Variants in MTOR observed in about 807,000 individuals in gnomAD.
MTOR encodes serine/threonine-protein kinase mTOR.
Under a neutral mutation model 319.8 loss-of-function variants are expected in MTOR, and 70 were observed. The observed-to-expected ratio is 0.22, with a 90% confidence interval of 0.18 to 0.27. The LOEUF (loss-of-function observed/expected upper bound fraction) is 0.27, where lower values mean the gene tolerates loss of function less well. MTOR is among the 10% of genes least tolerant of loss of function. The probability of loss-of-function intolerance (pLI) is 1.00; values close to 1 mark genes in which losing one functional copy is unlikely to be tolerated. For missense variants in MTOR, 1,890 were observed against 3,274.4 expected (o/e 0.58, Z 10.32); for synonymous variants, 1,183 against 1,211.4 (o/e 0.98, Z 0.49).
At chr1:11,170,441 C>A (rs558824887) in intron 28 of MTOR, among the ~76,000 whole-genome samples, 1 of 152,050 alleles carries the variant, frequency 6.6e-6, no homozygotes, top group South Asian at 2.1e-4. Flanking sequence ...AGTGGCTGGG[C>A]ACAGTGGTTC....
chr1:11,174,944 G>A (rs1483557551), intron 28 of MTOR, among the ~76,000 whole-genome samples: 2 of 152,168 alleles, frequency 1.3e-5, no homozygotes, highest in African/African-American at 4.8e-5. Context: ...ACACAAACAA[G>A]TTTAAAGAAA....
intron 29 of MTOR, among the ~76,000 whole-genome samples, chr1:11,163,240 C>A (rs572862004): frequency 2.0e-5 from 3 of 152,176 alleles, no homozygotes; most frequent in Non-Finnish European, 4.4e-5. Context: ...AGCTAACTAT[C>A]CTAAATATAT....
intron 28 of MTOR, among the ~76,000 whole-genome samples, chr1:11,186,136 G>C (rs1557817374): frequency 6.6e-6 from 1 of 150,766 alleles, no homozygotes; most frequent in Non-Finnish European, 1.5e-5. Flanking sequence ...ATAGAGTATG[G>C]CAGGCTGTGG....
rs552923285 is a variant in MTOR, at chr1:11,259,591, A to T, written c.-14-168T>A. Among the ~76,000 whole-genome samples the T allele has an allele frequency of 5.9e-5, 9 of 152,350 alleles. No homozygotes were observed. The South Asian group carries it at 1.9e-3, about 32-fold the overall frequency. ...AACATTTAGAAAGCCTAGATTCATT[A>T]AACAATGACTGATGTTTAAAAGAGG... On this transcript the variant is annotated intron_variant, in intron 1 of 57. Transcript: ENST00000361445.
Position 11,150,189 on chromosome 1 carries a change from G to C in MTOR, c.4507C>G (p.Leu1503Val). 6.2e-7 allele frequency: 1 copy of C among 1,614,040 alleles called. No individual in the cohort carries two copies. Among genetic ancestry groups the C allele is most frequent in the Non-Finnish European group, 8.5e-7 (1 of 1,179,994 alleles). ...TTGGCTTGGGTCTCATCATTAACCA[G>C]GGTCCACTTTTCACAGCACTGCTGG... ...LHQQCCEKWTLVNDETQAKMA... is the reference protein window; with the variant it reads ...LHQQCCEKWTVVNDETQAKMA... Residue 1503 changes from leucine (L) to valine (V), a missense_variant, in exon 31 of 58, where the codon CTG becomes GTG. Around this residue, in one of 15 missense-constraint regions of MTOR, gnomAD observed 276 missense variants for 459.4 expected, o/e 0.60. Coordinates refer to ENST00000361445, the MANE Select transcript of MTOR (RefSeq NM_004958.4).
chr1:11,226,923 C>G (rs1255923041), intron 19 of MTOR, among the ~76,000 whole-genome samples: 2 of 136,490 alleles, frequency 1.5e-5, no homozygotes, highest in Non-Finnish European at 3.1e-5. Context: ...CCCCCCACCC[C>G]CGCCCCCGCC....
chr1:11,175,527 T>C (rs1644954885), intron 28 of MTOR, among the ~76,000 whole-genome samples: 1 of 152,078 alleles, frequency 6.6e-6, no homozygotes, highest in Non-Finnish European at 1.5e-5. Context: ...TGCCTTCCTA[T>C]AGCAAACATC....
intron 13 of MTOR, among the ~76,000 whole-genome samples, chr1:11,236,802 C>A (rs930580324): frequency 6.6e-6 from 1 of 152,172 alleles, no homozygotes; most frequent in South Asian, 2.1e-4. Flanking sequence ...TGAGCCACCA[C>A]GCCCGGCCTT....
intron 31 of MTOR, among the ~76,000 whole-genome samples, chr1:11,148,428 CTGAG>C (rs1257650111): frequency 2.0e-5 from 3 of 152,108 alleles, no homozygotes; most frequent in Non-Finnish European, 2.9e-5. Context: ...TCTGCATTTC[CTGAG>C]TGATAGGAGT....
At chr1:11,234,536 A>G (rs1367209696) in intron 13 of MTOR, among the ~76,000 whole-genome samples, 1 of 152,218 alleles carries the variant, frequency 6.6e-6, no homozygotes, top group Non-Finnish European at 1.5e-5. Context: ...TCTCTAAAGC[A>G]GAGCTTTTAA....
chr1:11,114,037 T>G (rs1442950614), intron 53 of MTOR, among the ~76,000 whole-genome samples: 3 of 152,154 alleles, frequency 2.0e-5, no homozygotes, highest in African/African-American at 7.2e-5. Context: ...CCACCATGAT[T>G]GTAAGTTTCC....
chr1:11,225,151 T>C (rs574634578), intron 19 of MTOR, among the ~76,000 whole-genome samples: 48 of 152,312 alleles, frequency 3.2e-4, no homozygotes, highest in African/African-American at 1.1e-3. Flanking sequence ...TCTGTAAATA[T>C]ATTAAAAATC....
chr1:11,123,648 T>C (rs1221377990), intron 47 of MTOR, among the ~76,000 whole-genome samples: 2 of 151,736 alleles, frequency 1.3e-5, no homozygotes, highest in Non-Finnish European at 2.9e-5. Context: ...TTTTTATTTT[T>C]TGTAGAGACA....
intron 19 of MTOR, 44 bp from the exon 20 acceptor site, chr1:11,216,278 T>A (rs372363394): frequency 6.7e-6 from 10 of 1,484,558 alleles, no homozygotes; most frequent in Non-Finnish European, 8.5e-6. Flanking sequence ...ATGAAGGACA[T>A]TGAACCCCCA....
Position 11,231,183 on chromosome 1 carries a change from T to C in MTOR, c.2649+117A>G, listed in dbSNP as rs1258789164. 2.8e-5 allele frequency: 45 copies of C among 1,581,928 alleles called. 1 individual carries two copies. The Admixed American group carries it at 7.3e-4, about 26-fold the overall frequency. On this transcript the variant is annotated intron_variant, in intron 17 of 57. Transcript: ENST00000361445. The stretch of plus-strand genomic sequence containing the variant: ...CAAATGACCAGCTACATGAACAAAA[T>C]TGGAGAGGGACAGGAAGTCTGACTG...
chr1:11,126,584 G>A lies in MTOR; in HGVS notation c.6526+38C>T, dbSNP rs753364344. 1.7e-5 allele frequency: 28 copies of A among 1,604,438 alleles called. No homozygotes were observed. In the East Asian group the frequency reaches 5.6e-4, roughly 32 times the overall value. On this transcript the variant is annotated intron_variant, in intron 46 of 57. Transcript: ENST00000361445. ...GGAAGGGGTCTCAGCCAGTGTAGGA[G>A]GGAGAAGTGGGTGACAGAAGTGCAC...
chr1:11,196,443 G>C (rs1172361494), intron 28 of MTOR, among the ~76,000 whole-genome samples: 2 of 152,144 alleles, frequency 1.3e-5, no homozygotes, highest in Non-Finnish European at 2.9e-5. Flanking sequence ...TTACATCTCG[G>C]ATTTAATTTG....
intron 19 of MTOR, among the ~76,000 whole-genome samples, chr1:11,224,264 CA>C (rs894470248): frequency 1.3e-5 from 2 of 151,024 alleles, no homozygotes; most frequent in Admixed American, 6.6e-5. Context: ...CATATACCTC[CA>C]AAAAAAAGCT....
At position 11,115,078 on chromosome 1, in the gene MTOR, A is replaced by G. The variant is rs1016435773; in HGVS notation, c.7090-191T>C. On this transcript the variant is annotated intron_variant, in intron 51 of 57. Coordinates refer to ENST00000361445, the MANE Select transcript of MTOR (RefSeq NM_004958.4). This position sits in a 1 kb window ranked among gnomAD's most constrained non-coding sequence, Gnocchi z 4.5. ...ACAACTTAAAAAAAAAAAGAAACGAACAACAGAAAAGAAGAGAAAACAAAA... is the reference window on the plus strand; with the variant it reads ...ACAACTTAAAAAAAAAAAGAAACGAGCAACAGAAAAGAAGAGAAAACAAAA... Among the ~76,000 whole-genome samples the G allele has an allele frequency of 3.3e-5, 5 of 152,032 alleles. No homozygotes were observed. The highest frequency in any genetic ancestry group is 7.4e-5 in the Non-Finnish European group (5 of 68,002).
Sources: allele counts gnomAD v4.1 joint callset (sites outside exome capture counted in the v4.1 genomes callset), GRCh38; gene constraint gnomAD v4.1.1; regional missense constraint gnomAD v4.1.1; non-coding constraint Gnocchi (gnomAD v3.1); transcripts MANE v1.5; gene names NCBI Gene and HGNC (gene_info 2026-07-23, HGNC 2026-07-21).